The following DPYD variants were observed in gnomAD, a reference collection of about 807,000 sequenced individuals.
DPYD encodes dihydropyrimidine dehydrogenase.
Under a neutral mutation model 116.2 loss-of-function variants are expected in DPYD, and 109 were observed. The observed-to-expected ratio is 0.94, with a 90% confidence interval of 0.80 to 1.10. The LOEUF (loss-of-function observed/expected upper bound fraction) is 1.10, where lower values mean the gene tolerates loss of function less well. Ranked by LOEUF, DPYD falls within the 50% of genes least tolerant of loss-of-function variation. The pLI is 0.00. For missense variants in DPYD, 1,302 were observed against 1,254.5 expected (o/e 1.04, Z -0.57); for synonymous variants, 440 against 432.0 (o/e 1.02, Z -0.23).
chr1:97,601,840 G>T (rs1267297813), intron 8 of DPYD, among the ~76,000 whole-genome samples: 1 of 151,904 alleles, frequency 6.6e-6, no homozygotes, highest in Non-Finnish European at 1.5e-5. Context: ...GAAAAAAATG[G>T]AGTGATTCAA....
chr1:97,475,768 G>A (rs191623863), intron 13 of DPYD, among the ~76,000 whole-genome samples: 1 of 152,216 alleles, frequency 6.6e-6, no homozygotes, highest in Non-Finnish European at 1.5e-5. Context: ...ACCTTGGTTT[G>A]CTGACCCCTG....
intron 18 of DPYD, among the ~76,000 whole-genome samples, chr1:97,239,435 T>C (rs1237048065): frequency 6.6e-6 from 1 of 152,100 alleles, no homozygotes; most frequent in Non-Finnish European, 1.5e-5. Context: ...TATCCATTCA[T>C]CTGTCTATCC....
At chr1:97,897,321 A>T (rs1030511333) in intron 1 of DPYD, among the ~76,000 whole-genome samples, 2 of 151,912 alleles carry the variant, frequency 1.3e-5, no homozygotes, top group Admixed American at 6.6e-5. Flanking sequence ...GCCGCTCTGA[A>T]GATAAACTCT....
At chr1:97,331,806 T>C (rs538797405) in intron 16 of DPYD, among the ~76,000 whole-genome samples, 3 of 152,276 alleles carry the variant, frequency 2.0e-5, no homozygotes, top group Non-Finnish European at 2.9e-5. Context: ...TACAGGATAA[T>C]ATAAAGAATG....
chr1:97,661,583 A>T (rs1000013481), intron 8 of DPYD, among the ~76,000 whole-genome samples: 1 of 152,182 alleles, frequency 6.6e-6, no homozygotes, highest in Non-Finnish European at 1.5e-5. Context: ...AAATAAAAAA[A>T]ATATATAGAA....
intron 17 of DPYD, 76 bp from the exon 18 acceptor site, chr1:97,305,454 C>G: frequency 6.3e-7 from 1 of 1,594,688 alleles, no homozygotes; most frequent in South Asian, 1.1e-5. Context: ...ACCCTCACAT[C>G]CCAGAAAAAT....
chr1:97,700,926 A>G (rs1334314032), intron 5 of DPYD, among the ~76,000 whole-genome samples: 3 of 151,550 alleles, frequency 2.0e-5, no homozygotes, highest in African/African-American at 7.2e-5. Flanking sequence ...GGGATTTTAA[A>G]AACACATTAT....
At chr1:97,393,638 G>C (rs1411562508) in intron 14 of DPYD, among the ~76,000 whole-genome samples, 1 of 151,980 alleles carries the variant, frequency 6.6e-6, no homozygotes, top group South Asian at 2.1e-4. Context: ...CTTTTTTATG[G>C]CTGCATAGTA....
chr1:97,719,041 C>T lies in DPYD; in HGVS notation c.483+2469G>A, dbSNP rs147361890. 9.2e-5 allele frequency among the ~76,000 whole-genome samples: 14 copies of T among 151,446 alleles called. No homozygotes were observed. In the East Asian group the frequency reaches 2.3e-3, roughly 25 times the overall value. On this transcript the variant is annotated intron_variant, in intron 5 of 22. Coordinates refer to ENST00000370192, the MANE Select transcript of DPYD (RefSeq NM_000110.4). Reference sequence around the variant, plus strand: ...CTCCTAGAGTGAGTCACAATCACCCCGGTAGCCTGTTTACTACATGAACAC... The same window carrying T: ...CTCCTAGAGTGAGTCACAATCACCCTGGTAGCCTGTTTACTACATGAACAC...
chr1:97,274,646 C>A (rs1473816658), intron 18 of DPYD, among the ~76,000 whole-genome samples: 4 of 152,140 alleles, frequency 2.6e-5, no homozygotes, highest in African/African-American at 9.7e-5. Context: ...AAAGCAGAAA[C>A]CAGCATTTAC....
At chr1:97,753,331 C>T (rs74108305) in intron 3 of DPYD, among the ~76,000 whole-genome samples, 10,985 of 152,122 alleles carry the variant, frequency 0.072, 428 homozygotes, top group Middle Eastern at 0.12. Context: ...ATAAAGATCT[C>T]CTAAAAATCT....
intron 18 of DPYD, among the ~76,000 whole-genome samples, chr1:97,289,230 G>T (rs1665958019): frequency 6.6e-6 from 1 of 151,754 alleles, no homozygotes; most frequent in Admixed American, 6.6e-5. Flanking sequence ...AGGACCAGAT[G>T]GATTCACAGC....
chr1:97,274,858 T>C (rs1271624488), intron 18 of DPYD, among the ~76,000 whole-genome samples: 1 of 152,062 alleles, frequency 6.6e-6, no homozygotes, highest in Non-Finnish European at 1.5e-5. Flanking sequence ...AAGTCTCTGA[T>C]CCCCTGAAGT....
intron 16 of DPYD, among the ~76,000 whole-genome samples, chr1:97,353,135 T>A (rs1670237492): frequency 6.6e-6 from 1 of 152,122 alleles, no homozygotes; most frequent in East Asian, 1.9e-4. Context: ...GAAACAAAAA[T>A]TTCAAATAAT....
intron 19 of DPYD, among the ~76,000 whole-genome samples, chr1:97,198,703 A>G (rs1410572119): frequency 6.6e-6 from 1 of 152,190 alleles, no homozygotes; most frequent in Non-Finnish European, 1.5e-5. Flanking sequence ...AGCTGTTAAC[A>G]TGTTTGCTTA....
chr1:97,362,235 C>A (rs1020352356), intron 16 of DPYD, among the ~76,000 whole-genome samples: 7 of 152,140 alleles, frequency 4.6e-5, no homozygotes, highest in Admixed American at 1.3e-4. Context: ...CCTAGGAATG[C>A]AACTTACAAG....
intron 11 of DPYD, among the ~76,000 whole-genome samples, chr1:97,558,378 C>G (rs1651901461): frequency 1.3e-5 from 2 of 151,950 alleles, no homozygotes; most frequent in African/African-American, 4.8e-5. Flanking sequence ...TTGTCCATTC[C>G]ATTTATTTAG....
intron 15 of DPYD, among the ~76,000 whole-genome samples, chr1:97,377,695 C>T (rs12756826): frequency 0.17 from 26,174 of 152,226 alleles, 2,894 homozygotes; most frequent in Non-Finnish European, 0.25. Flanking sequence ...TCTTCTCCTT[C>T]TTTCCTTACC....
intron 19 of DPYD, among the ~76,000 whole-genome samples, chr1:97,206,978 G>A (rs183384228): frequency 1.3e-5 from 2 of 151,674 alleles, no homozygotes; most frequent in African/African-American, 4.8e-5. Context: ...CTAAATAACT[G>A]CACAATAGGT....
Sources: gnomAD v4.1 joint callset for allele counts (sites outside exome capture counted in the v4.1 genomes callset) on GRCh38, gnomAD v4.1.1 for gene constraint, MANE v1.5 for transcripts, NCBI Gene and HGNC (gene_info 2026-07-23, HGNC 2026-07-21) for gene names.